The following EPG5 variants were observed in gnomAD, a reference collection of about 807,000 sequenced individuals.
EPG5 encodes ectopic P granules protein 5 homolog.
EPG5 carries 159 observed loss-of-function variants against 302.7 expected under a neutral mutation model. That is an observed-to-expected ratio of 0.53 (90% CI 0.46 to 0.60). The LOEUF is 0.60. Among genes scored for constraint, EPG5 ranks in the 20% least tolerant of loss-of-function variants. The probability of loss-of-function intolerance (pLI) is 0.00; values close to 1 mark genes in which losing one functional copy is unlikely to be tolerated. For missense variants in EPG5, 2,896 were observed against 3,092.4 expected, an observed-to-expected ratio of 0.94 and a Z score of 1.51; for synonymous variants, 1,158 against 1,136.8, an observed-to-expected ratio of 1.02 and a Z score of -0.37.
chr18:45,932,156 T>C (rs1014688111), intron 11 of EPG5, among the ~76,000 whole-genome samples: 1 of 152,078 alleles, frequency 6.6e-6, no homozygotes, highest in African/African-American at 2.4e-5. Flanking sequence ...AAAAGAATTA[T>C]CATTCAAACT....
At position 45,962,135 on chromosome 18, in the gene EPG5, T is replaced by C. The variant is rs185491708; in HGVS notation, c.63+5042A>G. Among the ~76,000 whole-genome samples, 17 of 152,260 alleles carry C rather than the reference T, an allele frequency of 1.1e-4. No individual in the cohort carries two copies. In the East Asian group the frequency reaches 3.1e-3, roughly 28 times the overall value. On this transcript the variant is annotated intron_variant, in intron 1 of 43. Transcript: ENST00000282041. ...AACATAATGGGTGATCAATGAGTGT[T>C]TGTTTAATAAATGAATGGCTTTTAG...
In EPG5 at chr18:45,894,323, G is replaced by A. The variant is rs181567279; in HGVS notation, c.4810-4383C>T. 1.8e-3 allele frequency among the ~76,000 whole-genome samples: 270 copies of A among 152,156 alleles called. 2 individuals are homozygous for A. The highest frequency in any genetic ancestry group is 5.9e-3 in the African/African-American group (246 of 41,516). ...AAAAATACAAAAATTAGCTGGGCAC[G>A]GTGGCACCTGCCTGTAATCCCGGCT... On this transcript the variant is annotated intron_variant, in intron 27 of 43. Coordinates refer to ENST00000282041, the MANE Select transcript of EPG5 (RefSeq NM_020964.3).
intron 29 of EPG5, among the ~76,000 whole-genome samples, chr18:45,886,706 TGGA>T (rs1395894819): frequency 2.6e-5 from 4 of 152,200 alleles, no homozygotes; most frequent in Non-Finnish European, 4.4e-5. Context: ...TTGCCCAGGC[TGGA>T]GTGCAATAGC....
rs2050704474 is a variant in EPG5, at chr18:45,943,019, G to T, written c.1943+142C>A. ...GCAATTATGAAATTCCCATCTTATAGATGGTGAAGAAAAAAATCTTAACTA... is the reference window on the plus strand; with the variant it reads ...GCAATTATGAAATTCCCATCTTATATATGGTGAAGAAAAAAATCTTAACTA... On this transcript the variant is annotated intron_variant, in intron 9 of 43. Coordinates refer to ENST00000282041, the MANE Select transcript of EPG5 (RefSeq NM_020964.3). The T allele has an allele frequency of 8.0e-6, 6 of 750,378 alleles. No homozygotes were observed. The South Asian group carries it at 1.6e-4, about 20-fold the overall frequency. 46.5% of individuals were successfully genotyped at this position (750,378 alleles called of 1,614,324 possible). A position where few individuals can be genotyped will look rare whatever the true frequency, so the allele number is the denominator to read the frequency against.
the EPG5 span, among the ~76,000 whole-genome samples, chr18:45,820,800 C>T: frequency 6.6e-6 from 1 of 152,170 alleles, no homozygotes; most frequent in Non-Finnish European, 1.5e-5. Context: ...TACCCTTGTG[C>T]AGGTTATATA....
chr18:45,939,474 C>G, intron 10 of EPG5, 126 bp downstream of exon 10: 1 of 932,200 alleles, frequency 1.1e-6, no homozygotes, highest in South Asian at 1.9e-5. Context: ...AATTTGCCCT[C>G]AATAAGAAAT....
chr18:45,826,718 C>T, the EPG5 span, among the ~76,000 whole-genome samples: 1 of 152,198 alleles, frequency 6.6e-6, no homozygotes, highest in Admixed American at 6.5e-5. Context: ...TGTATGGGGT[C>T]CTGGCTCCAT....
At position 45,916,989 on chromosome 18, in the gene EPG5, G is replaced by A. The variant is rs919665615; in HGVS notation, c.3240-407C>T. On this transcript the variant is annotated intron_variant, in intron 17 of 43. Coordinates refer to ENST00000282041, the MANE Select transcript of EPG5 (RefSeq NM_020964.3). ...GAAGGGTTAGGTGAGTAGTTCCCAG[G>A]ACCTAACCCATTTCTACTAAAGTAA... Among the ~76,000 whole-genome samples, 4 of 152,148 alleles carry A rather than the reference G, an allele frequency of 2.6e-5. No homozygotes were observed. The East Asian group carries it at 5.8e-4, about 22-fold the overall frequency.
chr18:45,912,234 G>C, intron 22 of EPG5, 56 bp downstream of exon 22: 5 of 1,434,902 alleles, frequency 3.5e-6, no homozygotes, highest in Admixed American at 2.5e-5. Flanking sequence ...CATAGAATGA[G>C]AGCAGTGCAA....
At chr18:45,865,840 C>T in intron 38 of EPG5, 81 bp from the exon 39 acceptor site, 4 of 1,449,622 alleles carry the variant, frequency 2.8e-6, no homozygotes, top group African/African-American at 1.4e-5. Context: ...GAGCATGGCA[C>T]TGCAATGAAT....
the EPG5 span, among the ~76,000 whole-genome samples, chr18:45,834,422 TGCCA>T: frequency 2.0e-5 from 3 of 152,210 alleles, no homozygotes; most frequent in Non-Finnish European, 4.4e-5. Context: ...GAAGTACCTA[TGCCA>T]GCTCTGAGGC....
intron 4 of EPG5, 147 bp downstream of exon 4, chr18:45,950,955 G>A: frequency 2.0e-6 from 1 of 502,964 alleles, no homozygotes. Flanking sequence ...TTACTACCAT[G>A]TATCATGATC....
At position 45,904,217 on chromosome 18, in the gene EPG5, CGA is replaced by C. The variant is rs2049694778; in HGVS notation, c.4330-102_4330-101del. Reference sequence around the variant, plus strand: ...TAAAGTGAACCAGTAAGTTTCAACACGAAGTGGTCTACTCCAAGTCCTCCACC... The same window carrying C: ...TAAAGTGAACCAGTAAGTTTCAACACAGTGGTCTACTCCAAGTCCTCCACC... On this transcript the variant is annotated intron_variant, in intron 24 of 43. Coordinates refer to ENST00000282041, the MANE Select transcript of EPG5 (RefSeq NM_020964.3). 14 of 1,364,612 alleles carry C rather than the reference CGA, an allele frequency of 1.0e-5. No homozygotes were observed. In the South Asian group the frequency reaches 1.7e-4, roughly 17 times the overall value. The allele number at this position is 1,364,612 out of a possible 1,614,324, so 84.5% of individuals were successfully genotyped here. A position where few individuals can be genotyped will look rare whatever the true frequency, so the allele number is the denominator to read the frequency against.
chr18:45,958,974 G>C (rs1027919568), intron 1 of EPG5, among the ~76,000 whole-genome samples: 11 of 152,118 alleles, frequency 7.2e-5, no homozygotes, highest in Non-Finnish European at 1.5e-4. Flanking sequence ...TGACCAATCA[G>C]CATTCCTGGC....
intron 14 of EPG5, among the ~76,000 whole-genome samples, chr18:45,924,026 CAAA>C (rs533114460): frequency 1.5e-4 from 14 of 96,426 alleles, no homozygotes; most frequent in Admixed American, 1.2e-4. Flanking sequence ...GATTCTGACT[CAAA>C]AAAAAAAAAA....
chr18:45,881,396 T>C, intron 31 of EPG5, among the ~76,000 whole-genome samples: 1 of 152,196 alleles, frequency 6.6e-6, no homozygotes. Context: ...CCCTGCAACC[T>C]GCCTCTGTGG....
chr18:45,818,180 A>C, the EPG5 span, among the ~76,000 whole-genome samples: 1 of 152,162 alleles, frequency 6.6e-6, no homozygotes, highest in Non-Finnish European at 1.5e-5. Flanking sequence ...TAAATACTTG[A>C]CCAGTCCCTG....
In EPG5 at chr18:45,930,008, A is replaced by C. The variant is rs554531647; in HGVS notation, c.2412+668T>G. Among the ~76,000 whole-genome samples the C allele has an allele frequency of 3.3e-5, 5 of 152,350 alleles. No individual in the cohort carries two copies. The South Asian group carries it at 1.0e-3, about 32-fold the overall frequency. On this transcript the variant is annotated intron_variant, in intron 12 of 43. Coordinates refer to ENST00000282041, the MANE Select transcript of EPG5 (RefSeq NM_020964.3). ...CAGATAAACAGATAAATGACAGCTTAAAGTGTAAAATGTGCAAGGCTTTTT... is the reference window on the plus strand; with the variant it reads ...CAGATAAACAGATAAATGACAGCTTCAAGTGTAAAATGTGCAAGGCTTTTT...
chr18:45,833,836 G>C, the EPG5 span, among the ~76,000 whole-genome samples: 1 of 152,274 alleles, frequency 6.6e-6, no homozygotes, highest in Non-Finnish European at 1.5e-5. Context: ...AGATTCATTA[G>C]AGTGCTGTAG....
Sources: gnomAD v4.1 joint callset for allele counts (sites outside exome capture counted in the v4.1 genomes callset) on GRCh38, gnomAD v4.1.1 for gene constraint, MANE v1.5 for transcripts, NCBI Gene and HGNC (gene_info 2026-07-23, HGNC 2026-07-21) for gene names.